Variants in GZMK observed in about 807,000 individuals in gnomAD.
GZMK encodes the protein granzyme K, also known as NK-Tryp-2.
GZMK carries 18 observed loss-of-function variants against 22.8 expected under a neutral mutation model. The ratio of observed to expected loss-of-function variants is 0.79; its 90% CI spans 0.54 to 1.17. GZMK has a LOEUF of 1.17. GZMK is among the 50% of genes most tolerant of loss of function. The pLI is 0.00. For synonymous variants in GZMK, 136 were observed against 115.0 expected, an observed-to-expected ratio of 1.18 and a Z score of -1.17; for missense variants, 342 against 320.2, an observed-to-expected ratio of 1.07 and a Z score of -0.52.
chr5:55,026,345 G>A (rs1432057583), intron 2 of GZMK, among the ~76,000 whole-genome samples: 1 of 151,994 alleles, frequency 6.6e-6, no homozygotes, highest in Non-Finnish European at 1.5e-5. Context: ...CTCACGAGAA[G>A]CGGATTCCCA....
At chr5:55,026,376 G>C (rs769126310) in intron 2 of GZMK, among the ~76,000 whole-genome samples, 22 of 151,322 alleles carry the variant, frequency 1.5e-4, no homozygotes, top group Non-Finnish European at 2.2e-4. Flanking sequence ...AGAGATTATT[G>C]ACAAAAGACT....
In GZMK at chr5:55,024,680, G is replaced by A. The variant is rs1013041006; in HGVS notation, c.85G>A (p.Gly29Arg). Residue 29 changes from glycine (G) to arginine (R), a missense_variant, in exon 2 of 5, where the codon GGA (glycine) becomes AGA (arginine). By Grantham distance (125) the Gly-to-Arg change is moderately radical. Transcript: ENST00000231009. ...THVCFNMEII[G>R]GKEVSPHSRP... Reference sequence around the variant, plus strand: ...TGTAGGTTTCAATATGGAAATTATTGGAGGGAAAGAAGTGTCACCTCATTC... The same window carrying A: ...TGTAGGTTTCAATATGGAAATTATTAGAGGGAAAGAAGTGTCACCTCATTC... 1.2e-6 allele frequency: 2 copies of A among 1,608,078 alleles called. No individual in the cohort carries two copies. Among genetic ancestry groups the A allele is most frequent in the Non-Finnish European group, 1.7e-6 (2 of 1,175,292 alleles).
chr5:55,033,001 A>C (rs1175463955), intron 4 of GZMK, among the ~76,000 whole-genome samples: 4 of 152,236 alleles, frequency 2.6e-5, no homozygotes, highest in African/African-American at 4.8e-5. Context: ...ATGGTTGACC[A>C]AAGTATAAGG....
At chr5:55,025,309 G>A (rs554402234) in intron 2 of GZMK, among the ~76,000 whole-genome samples, 25 of 152,322 alleles carry the variant, frequency 1.6e-4, no homozygotes, top group Non-Finnish European at 2.8e-4. Context: ...TTATACGCAT[G>A]AGAAGCCTAC....
chr5:55,029,624 C>A (rs1044004712), intron 2 of GZMK, among the ~76,000 whole-genome samples: 2 of 152,158 alleles, frequency 1.3e-5, no homozygotes, highest in Admixed American at 6.5e-5. Flanking sequence ...GACACTTCAG[C>A]CTCCAGCTCC....
At chr5:55,024,511 A>G (rs1741113861) in intron 1 of GZMK, 125 bp downstream of exon 1, 3 of 775,386 alleles carry the variant, frequency 3.9e-6, no homozygotes, top group Non-Finnish European at 6.3e-6. Flanking sequence ...TATTATACAA[A>G]TTTTTCATCA....
At chr5:55,029,495 A>C (rs180757781) in intron 2 of GZMK, among the ~76,000 whole-genome samples, 2 of 152,240 alleles carry the variant, frequency 1.3e-5, no homozygotes, top group African/African-American at 2.4e-5. Context: ...CCTGAGATGA[A>C]GTCTAGGCAT....
At chr5:55,030,682 C>A in intron 3 of GZMK, 98 bp downstream of exon 3, 1 of 863,786 alleles carries the variant, frequency 1.2e-6, no homozygotes, top group South Asian at 1.6e-5. Context: ...TGCTAGCACC[C>A]TCCCCATGTT....
chr5:55,025,769 A>C (rs2111605921), intron 2 of GZMK: 1 of 152,288 alleles, frequency 6.6e-6, no homozygotes, highest in South Asian at 2.1e-4. Context: ...CTATATCTAA[A>C]CAGAACAATT....
intron 4 of GZMK, chr5:55,032,724 C>A (rs1324348549): frequency 2.0e-5 from 3 of 151,806 alleles, no homozygotes; most frequent in African/African-American, 7.3e-5. Flanking sequence ...AAAATGAGAC[C>A]CTGTCTTAAA....
chr5:55,033,702 G>C, intron 4 of GZMK, 63 bp from the exon 5 acceptor site: 1 of 1,331,280 alleles, frequency 7.5e-7, no homozygotes, highest in East Asian at 2.3e-5. Context: ...GCAGTTGGTG[G>C]TTAAAAAACA....
rs945669189 is a variant in GZMK, at chr5:55,034,508, T to C, written c.*582T>C. ...ATTCTACTCTAAGCTTCTATGAGTT[T>C]GTATTTTTTAAATATAAATCATAAA... On this transcript the variant is annotated 3_prime_UTR_variant, in exon 5 of 5. Transcript: ENST00000231009. 6.6e-6 allele frequency: 1 copy of C among 152,218 alleles called. No homozygotes were observed. Among genetic ancestry groups the C allele is most frequent in the African/African-American group, 2.4e-5 (1 of 41,458 alleles). The allele number at this position is 152,218 out of a possible 1,614,324, so 9.4% of individuals were successfully genotyped here. A position where few individuals can be genotyped will look rare whatever the true frequency, so the allele number is the denominator to read the frequency against.
chr5:55,024,476 A>C lies in GZMK; in HGVS notation c.64+90A>C, dbSNP rs1580297600. The C allele has an allele frequency of 2.7e-5, 22 of 805,656 alleles. No homozygotes were observed. In the East Asian group the frequency reaches 5.5e-4, roughly 20 times the overall value. 49.9% of individuals were successfully genotyped at this position (805,656 alleles called of 1,614,324 possible). On this transcript the variant is annotated intron_variant, in intron 1 of 4. Coordinates refer to ENST00000231009, the MANE Select transcript of GZMK (RefSeq NM_002104.3). ...ATAGATGAAAATTATTTTCACAATC[A>C]TTCCTATCTTTCTGAACTGTAATGT...
At chr5:55,029,127 C>T (rs1741181454) in intron 2 of GZMK, among the ~76,000 whole-genome samples, 3 of 151,778 alleles carry the variant, frequency 2.0e-5, no homozygotes, top group South Asian at 2.1e-4. Flanking sequence ...CCCAGCCTCT[C>T]GGGAGGCTGA....
At chr5:55,026,658 C>T (rs1372014246) in intron 2 of GZMK, among the ~76,000 whole-genome samples, 1 of 152,184 alleles carries the variant, frequency 6.6e-6, no homozygotes, top group Non-Finnish European at 1.5e-5. Flanking sequence ...CCCCAAGCCT[C>T]TCTCTCAGCA....
intron 3 of GZMK, among the ~76,000 whole-genome samples, 161 bp downstream of exon 3, chr5:55,030,745 T>C (rs956502764): frequency 6.6e-6 from 1 of 152,180 alleles, no homozygotes; most frequent in African/African-American, 2.4e-5. Context: ...ATATACTGTC[T>C]TGAAAGAAAC....
chr5:55,030,359 C>T lies in GZMK; in HGVS notation c.213-75C>T, dbSNP rs537818753. ...CCCTTGTTTCTCTGTGTATACAACC[C>T]TCTCGACCATCACCACTCCCCACTG... On this transcript the variant is annotated intron_variant, in intron 2 of 4. Coordinates refer to ENST00000231009, the MANE Select transcript of GZMK (RefSeq NM_002104.3). 2.2e-6 allele frequency: 3 copies of T among 1,379,944 alleles called. No homozygotes were observed. The Admixed American group carries it at 5.4e-5, about 25-fold the overall frequency. The allele number at this position is 1,379,944 out of a possible 1,614,324, so 85.5% of individuals were successfully genotyped here.
At chr5:55,025,014 G>C (rs73755319) in intron 2 of GZMK, 6,422 of 415,096 alleles carry the variant, frequency 0.015, 355 homozygotes, top group African/African-American at 0.12. Context: ...GCTTTTCCCA[G>C]GCAAGACATT....
In GZMK at chr5:55,030,518, C is replaced by G; in HGVS notation, c.297C>G (p.Ile99Met). Residue 99 changes from isoleucine (I) to methionine (M), a missense_variant, in exon 3 of 5, where the codon ATC becomes ATG. Ile to Met is a conservative substitution (Grantham distance 10, BLOSUM62 1). Transcript: ENST00000231009. The stretch of plus-strand genomic sequence containing the variant: ...AGGCCTCCAAACAAACACTGGAGAT[C>G]AAAAAATTTATACCATTCTCAAGAG... ...KNEASKQTLE[I>M]KKFIPFSRVT... 2.5e-6 allele frequency: 4 copies of G among 1,612,138 alleles called. No individual in the cohort carries two copies. Among genetic ancestry groups the G allele is most frequent in the Non-Finnish European group, 3.4e-6 (4 of 1,178,212 alleles).
Sources: gnomAD v4.1 joint callset for allele counts (sites outside exome capture counted in the v4.1 genomes callset) on GRCh38, gnomAD v4.1.1 for gene constraint, MANE v1.5 for transcripts, NCBI Gene and HGNC (gene_info 2026-07-23, HGNC 2026-07-21) for gene names.